DPF3: variants seen among roughly 807,000 people sequenced by gnomAD.
DPF3 encodes double PHD fingers 3.
A neutral mutation model predicts 56.8 loss-of-function variants in DPF3; 18 were observed. The observed-to-expected ratio is 0.32, with a 90% CI of 0.22 to 0.47. DPF3 has a LOEUF of 0.47. Among genes scored for constraint, DPF3 ranks in the 20% least tolerant of loss-of-function variants. The pLI, the probability that DPF3 is intolerant of heterozygous loss-of-function variation, is 1.00. For synonymous variants in DPF3, 188 were observed against 180.2 expected, an observed-to-expected ratio of 1.04 and a Z score of -0.35; for missense variants, 403 against 488.8, an observed-to-expected ratio of 0.82 and a Z score of 1.65.
In DPF3 at chr14:72,610,605, G is replaced by T. The variant is rs542116849; in HGVS notation, c.*8692C>A. Reference sequence around the variant, plus strand: ...GCAACGGGGAGATGACCTGGTTGAGGTCTAGTTCTGGCTTTTGTGAATCGA... The same window carrying T: ...GCAACGGGGAGATGACCTGGTTGAGTTCTAGTTCTGGCTTTTGTGAATCGA... On this transcript the variant is annotated 3_prime_UTR_variant, in exon 11 of 11. Transcript: ENST00000556509. 2.0e-4 allele frequency among the ~76,000 whole-genome samples: 31 copies of T among 152,212 alleles called. No homozygotes were observed. Among genetic ancestry groups the T allele is most frequent in the Non-Finnish European group, 4.3e-4 (29 of 68,030 alleles).
chr14:72,798,254 CAAAAAAAAAAAAAA>C (rs35648169), intron 1 of DPF3, among the ~76,000 whole-genome samples: 6 of 53,946 alleles, frequency 1.1e-4, no homozygotes, highest in South Asian at 1.5e-3. Flanking sequence ...GCCTTCATCT[CAAAAAAAAAAAAAA>C]AAAAAAAAAA....
chr14:72,832,537 G>C (rs371863308), intron 1 of DPF3, among the ~76,000 whole-genome samples: 21 of 152,106 alleles, frequency 1.4e-4, no homozygotes, highest in African/African-American at 4.8e-4. Context: ...CATATATTCT[G>C]GTCACACCAT....
chr14:72,846,488 A>C (rs1285408472), intron 1 of DPF3, among the ~76,000 whole-genome samples: 1 of 151,906 alleles, frequency 6.6e-6, no homozygotes, highest in African/African-American at 2.4e-5. Flanking sequence ...GGCGCCCGCC[A>C]CCACGCCCGG....
chr14:72,800,928 A>G (rs1892867968), intron 1 of DPF3, among the ~76,000 whole-genome samples: 1 of 152,240 alleles, frequency 6.6e-6, no homozygotes, highest in Non-Finnish European at 1.5e-5. Context: ...CCATCTGACA[A>G]TATAGGAAAG....
At chr14:72,822,730 G>A (rs1279466961) in intron 1 of DPF3, among the ~76,000 whole-genome samples, 1 of 152,008 alleles carries the variant, frequency 6.6e-6, no homozygotes, top group Non-Finnish European at 1.5e-5. Context: ...TTTTTTAGAA[G>A]GAAGGGGAGT....
At position 72,723,726 on chromosome 14, in the gene DPF3, C is replaced by T. The variant is rs370363163; in HGVS notation, c.432G>A (p.Arg144=). The change falls in exon 5 of 11, where the codon AGG becomes AGA. Residue 144 remains arginine (R), a splice_region_variant and synonymous_variant. Coordinates refer to ENST00000556509, the MANE Select transcript of DPF3 (RefSeq NM_001280542.3). ...REEESIQEIQ[R]VLENDENVEE... ...CTACATTTTCATCATTTTCCAAAAC[C>T]CTCTGAAATGAAAAAAAAAAATAGA... 381 of 1,567,838 alleles carry T rather than the reference C, an allele frequency of 2.4e-4. No homozygotes were observed. Among genetic ancestry groups the T allele is most frequent in the Non-Finnish European group, 3.1e-4 (360 of 1,166,072 alleles).
At chr14:72,738,054 T>C (rs1470345030) in intron 3 of DPF3, among the ~76,000 whole-genome samples, 1 of 152,136 alleles carries the variant, frequency 6.6e-6, no homozygotes, top group African/African-American at 2.4e-5. Context: ...TAAGAATCAT[T>C]ATTTCATTTA....
intron 1 of DPF3, among the ~76,000 whole-genome samples, chr14:72,884,956 A>ATATATATATATATATG (rs1886473402): frequency 1.0e-5 from 1 of 97,302 alleles, no homozygotes; most frequent in Admixed American, 1.2e-4. Flanking sequence ...ATATATATAT[A>ATATATATATATATATG]TATATATATA....
intron 1 of DPF3, among the ~76,000 whole-genome samples, chr14:72,839,667 C>A (rs1404432394): frequency 6.6e-6 from 1 of 152,226 alleles, no homozygotes; most frequent in Non-Finnish European, 1.5e-5. Context: ...GCCCCACTCT[C>A]TTGGGGACAG....
intron 1 of DPF3, among the ~76,000 whole-genome samples, chr14:72,847,868 G>T (rs557922567): frequency 6.6e-6 from 1 of 152,286 alleles, no homozygotes; most frequent in South Asian, 2.1e-4. Flanking sequence ...CCAAGCCTAT[G>T]GCCATCTGCT....
At chr14:72,837,030 T>A (rs1470404396) in intron 1 of DPF3, among the ~76,000 whole-genome samples, 1 of 151,918 alleles carries the variant, frequency 6.6e-6, no homozygotes, top group African/African-American at 2.4e-5. Context: ...CCACCACACC[T>A]GGCTAATTTT....
chr14:72,613,775 C>G lies in DPF3; in HGVS notation c.*5522G>C, dbSNP rs1371912155. The stretch of plus-strand genomic sequence containing the variant: ...ACCCCTCCTCCTCAGAGTTTCCTGA[C>G]AGCTCTTCCTTTGGGCCTCTCTTCT... On this transcript the variant is annotated 3_prime_UTR_variant, in exon 11 of 11. Transcript: ENST00000556509. Among the ~76,000 whole-genome samples the G allele has an allele frequency of 6.6e-6, 1 of 152,206 alleles. No individual in the cohort carries two copies. The highest frequency in any genetic ancestry group is 1.5e-5 in the Non-Finnish European group (1 of 68,030).
intron 1 of DPF3, chr14:72,836,076 C>A: frequency 1.0e-6 from 1 of 985,478 alleles, no homozygotes; most frequent in Non-Finnish European, 1.2e-6. Flanking sequence ...GAAATTAGCA[C>A]AACTTACATG....
intron 1 of DPF3, among the ~76,000 whole-genome samples, chr14:72,862,000 G>A (rs746312751): frequency 9.2e-5 from 14 of 152,200 alleles, no homozygotes; most frequent in Admixed American, 7.2e-4. Context: ...AAGGCAAACC[G>A]CTTCAGCCCT....
At chr14:72,694,840 T>C (rs1304193763) in intron 6 of DPF3, among the ~76,000 whole-genome samples, 2 of 152,254 alleles carry the variant, frequency 1.3e-5, no homozygotes, top group Admixed American at 6.5e-5. Context: ...AGTTTTATTA[T>C]AGGAGAATTT....
intron 8 of DPF3, among the ~76,000 whole-genome samples, chr14:72,658,649 A>G (rs1031817779): frequency 4.6e-5 from 7 of 152,216 alleles, no homozygotes; most frequent in African/African-American, 1.2e-4. Flanking sequence ...CATATCTTGA[A>G]TCATCCCTAA....
intron 1 of DPF3, among the ~76,000 whole-genome samples, chr14:72,875,468 C>A (rs982161802): frequency 9.2e-5 from 14 of 152,182 alleles, no homozygotes; most frequent in Non-Finnish European, 1.8e-4. Context: ...TTGCTTAATT[C>A]TTCCAACAAC....
At chr14:72,754,133 G>A (rs939360061) in intron 2 of DPF3, among the ~76,000 whole-genome samples, 9 of 152,246 alleles carry the variant, frequency 5.9e-5, no homozygotes, top group Middle Eastern at 3.4e-3. Context: ...CTGCTCACCC[G>A]ACAACAATTG....
chr14:72,859,330 A>G (rs1048236452), intron 1 of DPF3, among the ~76,000 whole-genome samples: 5 of 152,142 alleles, frequency 3.3e-5, no homozygotes, highest in African/African-American at 1.2e-4. Context: ...TTCAAGGCCA[A>G]CAGGGAAGCA....
Sources: allele counts gnomAD v4.1 joint callset (sites outside exome capture counted in the v4.1 genomes callset), GRCh38; gene constraint gnomAD v4.1.1; transcripts MANE v1.5; gene names NCBI Gene and HGNC (gene_info 2026-07-23, HGNC 2026-07-21).